AMER1: variants seen among roughly 807,000 people sequenced by gnomAD.
AMER1 encodes APC membrane recruitment protein 1.
Under a neutral mutation model 53.0 loss-of-function variants are expected in AMER1, and 16 were observed. The ratio of observed to expected loss-of-function variants is 0.30; its 90% CI spans 0.20 to 0.46. The LOEUF (loss-of-function observed/expected upper bound fraction) is 0.46. Among genes scored for constraint, AMER1 ranks in the 20% least tolerant of loss-of-function variants. The pLI, the probability that AMER1 is intolerant of heterozygous loss-of-function variation, is 1.00. For missense variants in AMER1, 947 were observed against 884.9 expected, an observed-to-expected ratio of 1.07 and a Z score of -0.89; for synonymous variants, 354 against 331.9, an observed-to-expected ratio of 1.07 and a Z score of -0.73.
rs1361609103 is a variant in AMER1 at position 64,189,277 on chromosome X, G to T, written c.*602C>A. ...GCTATGCCAGGCCAAAAGGAATAGG[G>T]GTGGGGAGGATCTGTACCATAATTT... On this transcript the variant is annotated 3_prime_UTR_variant, in exon 2 of 2. Transcript: ENST00000374869. The T allele has an allele frequency of 1.3e-6, 1 of 790,055 alleles. No homozygotes were observed. Among genetic ancestry groups the T allele is most frequent in the African/African-American group, 2.3e-5 (1 of 43,972 alleles). 65.1% of individuals were successfully genotyped at this position (790,055 alleles called of 1,213,427 possible).
At position 64,191,906 on chromosome X, in the gene AMER1, G is replaced by C. The variant is rs1486120029; in HGVS notation, c.1381C>G (p.Gln461Glu). 3.3e-6 allele frequency: 4 copies of C among 1,211,810 alleles called. No homozygotes were observed. Among genetic ancestry groups the C allele is most frequent in the Non-Finnish European group, 4.5e-6 (4 of 895,530 alleles). The change falls in exon 2 of 2, where the codon CAA becomes GAA. Residue 461 changes from glutamine to glutamate, a missense_variant. Gln to Glu is a conservative substitution (Grantham distance 29). Transcript: ENST00000374869. ...GELLTPQSDQ[Q>E]ESAPNSDEGY... The stretch of plus-strand genomic sequence containing the variant: ...TCATCACTATTGGGGGCGGATTCTT[G>C]CTGGTCACTCTGAGGAGTCAAAAGT...
In AMER1 at chrX:64,192,813, C is replaced by T. The variant is rs767248313; in HGVS notation, c.474G>A (p.Lys158=). The T allele has an allele frequency of 7.4e-6, 9 of 1,210,232 alleles. No homozygotes were observed. Among genetic ancestry groups the T allele is most frequent in the Non-Finnish European group, 1.0e-5 (9 of 895,335 alleles). ...TCTTTGGCTTGGGCATAGAGGGAAA[C>T]TTCTCAGCCACAGCTTTCTCTGTGG... ...AGATEKAVAE[K]FPSMPKPKKG... is the part of the protein sequence containing the mutation. Residue 158 remains lysine (K), a synonymous_variant, in exon 2 of 2, where the codon AAG becomes AAA. Coordinates refer to ENST00000374869, the MANE Select transcript of AMER1 (RefSeq NM_152424.4).
chrX:64,191,039 G>A lies in AMER1; in HGVS notation c.2248C>T (p.Pro750Ser), dbSNP rs148731565. 120 of 1,210,446 alleles carry A rather than the reference G, an allele frequency of 9.9e-5. No individual in the cohort carries two copies. Among genetic ancestry groups the A allele is most frequent in the Non-Finnish European group, 1.1e-4 (100 of 895,323 alleles). Residue 750 changes from proline (P) to serine (S), a missense_variant, in exon 2 of 2, where the codon CCC (proline) becomes TCC (serine). Transcript: ENST00000374869. ...TCCTCTTCCTCTGGATCTTCAGGGG[G>A]TGAATAAGTAGGGTAGGCCCTCCTG... ...SPRRAYPTYS[P>S]PEDPEEEEVE...
At position 64,189,793 on chromosome X, in the gene AMER1, A is replaced by ACGGGGGG; in HGVS notation, c.*85_*86insCCCCCCG. On this transcript the variant is annotated 3_prime_UTR_variant, in exon 2 of 2. Transcript: ENST00000374869. ...CAAAGGGTTTTCAAGTTAAACAACA[A>ACGGGGGG]CCCCCACCCCCCCACCCTTCTGCCC... is the stretch of plus-strand genomic sequence containing the variant. 23 of 291,991 alleles carry ACGGGGGG rather than the reference A, an allele frequency of 7.9e-5. No homozygotes were observed. The highest frequency in any genetic ancestry group is 1.7e-4 in the East Asian group (1 of 5,961). The allele number at this position is 291,991 out of a possible 1,213,427, so 24.1% of individuals were successfully genotyped here.
In AMER1 at chrX:64,187,952, T is replaced by G. The variant is rs900106910; in HGVS notation, c.*1927A>C. 1 of 778,688 alleles carries G rather than the reference T, an allele frequency of 1.3e-6. No individual in the cohort carries two copies. Among genetic ancestry groups the G allele is most frequent in the Non-Finnish European group, 1.5e-6 (1 of 654,542 alleles). The allele number at this position is 778,688 out of a possible 1,213,427, so 64.2% of individuals were successfully genotyped here. On this transcript the variant is annotated 3_prime_UTR_variant, in exon 2 of 2. Transcript: ENST00000374869. Reference sequence around the variant, plus strand: ...GGTCTGGGTCCCTTGAGTGGTGGTGTTAGTGCCATGCAAATTCATGTGGTG... The same window carrying G: ...GGTCTGGGTCCCTTGAGTGGTGGTGGTAGTGCCATGCAAATTCATGTGGTG...
At chrX:64,197,537 T>A (rs1930398963) in intron 1 of AMER1, among the ~76,000 whole-genome samples, 1 of 113,065 alleles carries the variant, frequency 8.8e-6, no homozygotes, top group African/African-American at 3.2e-5. Flanking sequence ...CATGGCCAAC[T>A]TGAAGAGGGC....
chrX:64,186,158 C>T lies in AMER1; in HGVS notation c.*3721G>A, dbSNP rs1930102279. 1 of 1,210,680 alleles carries T rather than the reference C, an allele frequency of 8.3e-7. No individual in the cohort carries two copies. The highest frequency in any genetic ancestry group is 1.7e-5 in the African/African-American group (1 of 57,699). On this transcript the variant is annotated 3_prime_UTR_variant, in exon 2 of 2. Transcript: ENST00000374869. ...GCCTGAGTCACTTGGCGTTTGTCTT[C>T]AGTACCTGGGCATCTTCTGCTGTCC...
intron 1 of AMER1, among the ~76,000 whole-genome samples, chrX:64,198,314 T>C (rs995683473): frequency 1.5e-4 from 17 of 111,348 alleles, no homozygotes; most frequent in Admixed American, 4.8e-4. Context: ...ACCCTCAGGG[T>C]ATTTACCACT....
At position 64,185,876 on chromosome X, in the gene AMER1, G is replaced by C. The variant is rs1428369364; in HGVS notation, c.*4003C>G. ...TGTCTCCCACAGCTTCTTGGGGAAAGGGGACATGGTTGAAACCCCCTTCCT... is the reference window on the plus strand; with the variant it reads ...TGTCTCCCACAGCTTCTTGGGGAAACGGGACATGGTTGAAACCCCCTTCCT... On this transcript the variant is annotated 3_prime_UTR_variant, in exon 2 of 2. Coordinates refer to ENST00000374869, the MANE Select transcript of AMER1 (RefSeq NM_152424.4). 1 of 330,299 alleles carries C rather than the reference G, an allele frequency of 3.0e-6. No homozygotes were observed. The highest frequency in any genetic ancestry group is 5.3e-6 in the Non-Finnish European group (1 of 187,277). 27.2% of individuals were successfully genotyped at this position (330,299 alleles called of 1,213,427 possible).
chrX:64,203,388 G>C (rs1436196915), intron 1 of AMER1, among the ~76,000 whole-genome samples: 8 of 111,706 alleles, frequency 7.2e-5, no homozygotes, highest in African/African-American at 2.3e-4. Flanking sequence ...ACTCTACAAA[G>C]AAAGCAAGTC....
At position 64,190,625 on chromosome X, in the gene AMER1, C is replaced by T. The variant is rs2147085577; in HGVS notation, c.2662G>A (p.Ala888Thr). ...LHPRPPPAAM[A>T]LNRRSRSLDT... is the part of the protein sequence containing the mutation. ...AGAGAGCGGCTTCTCCTGTTGAGGGCCATAGCAGCAGGTGGAGGTCGAGGG... is the reference window on the plus strand; with the variant it reads ...AGAGAGCGGCTTCTCCTGTTGAGGGTCATAGCAGCAGGTGGAGGTCGAGGG... Residue 888 changes from alanine (A) to threonine (T), a missense_variant, in exon 2 of 2, where the codon GCC (alanine) becomes ACC (threonine). Transcript: ENST00000374869. The T allele has an allele frequency of 8.3e-7, 1 of 1,211,821 alleles. No homozygotes were observed. The highest frequency in any genetic ancestry group is 1.8e-5 in the South Asian group (1 of 56,954).
At position 64,189,476 on chromosome X, in the gene AMER1, GTGTA is replaced by G. The variant is rs745734937; in HGVS notation, c.*399_*402del. ...TGTGCATGTGTGTTTGTGTGTGTGT[GTGTA>G]TGTATGTGTGTGTGTGTGTGTGTGT... is the stretch of plus-strand genomic sequence containing the variant. On this transcript the variant is annotated 3_prime_UTR_variant, in exon 2 of 2. Coordinates refer to ENST00000374869, the MANE Select transcript of AMER1 (RefSeq NM_152424.4). 167 of 628,606 alleles carry G rather than the reference GTGTA, an allele frequency of 2.7e-4. 2 individuals are homozygous for G. Among genetic ancestry groups the G allele is most frequent in the Middle Eastern group, 9.1e-4 (1 of 1,094 alleles). The allele number at this position is 628,606 out of a possible 1,213,427, so 51.8% of individuals were successfully genotyped here.
At chrX:64,197,699 G>C (rs1451352423) in intron 1 of AMER1, among the ~76,000 whole-genome samples, 1 of 112,325 alleles carries the variant, frequency 8.9e-6, no homozygotes, top group East Asian at 2.8e-4. Context: ...TGTTGGGGAG[G>C]GTTGGTTAAA....
At position 64,189,228 on chromosome X, in the gene AMER1, T is replaced by C; in HGVS notation, c.*651A>G. ...ACAGCTAGCTGGGATGAATAGCTTATAGTCATCTGATATAATGATGGCAGC... is the reference window on the plus strand; with the variant it reads ...ACAGCTAGCTGGGATGAATAGCTTACAGTCATCTGATATAATGATGGCAGC... On this transcript the variant is annotated 3_prime_UTR_variant, in exon 2 of 2. Coordinates refer to ENST00000374869, the MANE Select transcript of AMER1 (RefSeq NM_152424.4). The C allele has an allele frequency of 1.3e-6, 1 of 797,831 alleles. No individual in the cohort carries two copies. Among genetic ancestry groups the C allele is most frequent in the Non-Finnish European group, 1.5e-6 (1 of 666,121 alleles). The allele number at this position is 797,831 out of a possible 1,213,427, so 65.8% of individuals were successfully genotyped here. A position where few individuals can be genotyped will look rare whatever the true frequency, so the allele number is the denominator to read the frequency against.
In AMER1 at chrX:64,189,484, A is replaced by ATGTGTGTGTG. The variant is rs1175889958; in HGVS notation, c.*385_*394dup. ...TGTGTTTGTGTGTGTGTGTGTATGT[A>ATGTGTGTGTG]TGTGTGTGTGTGTGTGTGTGTGTGT... is the stretch of plus-strand genomic sequence containing the variant. On this transcript the variant is annotated 3_prime_UTR_variant, in exon 2 of 2. Coordinates refer to ENST00000374869, the MANE Select transcript of AMER1 (RefSeq NM_152424.4). 815 of 390,351 alleles carry ATGTGTGTGTG rather than the reference A, an allele frequency of 2.1e-3. 54 individuals are homozygous for ATGTGTGTGTG. The African/African-American group carries it at 0.058, about 28-fold the overall frequency. 32.2% of individuals were successfully genotyped at this position (390,351 alleles called of 1,213,427 possible). A position where few individuals can be genotyped will look rare whatever the true frequency, so the allele number is the denominator to read the frequency against.
chrX:64,193,488 A>C (rs1275765737), intron 1 of AMER1, 104 bp from the exon 2 acceptor site: 5 of 533,842 alleles, frequency 9.4e-6, no homozygotes, highest in Non-Finnish European at 1.5e-5. Context: ...GGAACAAGAA[A>C]GAAAATGATG....
At chrX:64,201,566 T>C (rs1327153534) in intron 1 of AMER1, among the ~76,000 whole-genome samples, 1 of 110,804 alleles carries the variant, frequency 9.0e-6, no homozygotes, top group Non-Finnish European at 1.9e-5. Flanking sequence ...GACCCAGGAA[T>C]GAGTGACACA....
chrX:64,190,640 G>A lies in AMER1; in HGVS notation c.2647C>T (p.Pro883Ser), dbSNP rs763992808. The A allele has an allele frequency of 8.3e-7, 1 of 1,211,635 alleles. No homozygotes were observed. Among genetic ancestry groups the A allele is most frequent in the Non-Finnish European group, 1.1e-6 (1 of 895,420 alleles). The change falls in exon 2 of 2, where the codon CCA becomes TCA. Residue 883 changes from proline to serine, a missense_variant. Coordinates refer to ENST00000374869, the MANE Select transcript of AMER1 (RefSeq NM_152424.4). ...CTGTTGAGGGCCATAGCAGCAGGTG[G>A]AGGTCGAGGGTGCAGGCCAGGCAGT... The part of the protein sequence containing the change: ...LGLPGLHPRP[P>S]PAAMALNRRS...
chrX:64,203,559 T>G (rs753401484), intron 1 of AMER1, among the ~76,000 whole-genome samples: 2 of 111,465 alleles, frequency 1.8e-5, no homozygotes, highest in Non-Finnish European at 3.8e-5. Flanking sequence ...GTCTGCATCC[T>G]ATTATAATTT....
Sources: gnomAD v4.1 joint callset for allele counts (sites outside exome capture counted in the v4.1 genomes callset) on GRCh38, gnomAD v4.1.1 for gene constraint, MANE v1.5 for transcripts, NCBI Gene and HGNC (gene_info 2026-07-23, HGNC 2026-07-21) for gene names.